The following FREM2 variants were observed in gnomAD, a reference collection of about 807,000 sequenced individuals.
FREM2 encodes the protein FRAS1 related extracellular matrix 2, also known as FRAS1-related extracellular matrix protein 2.
A neutral mutation model predicts 219.9 loss-of-function variants in FREM2; 119 were observed. The ratio of observed to expected loss-of-function variants is 0.54; its 90% CI spans 0.47 to 0.63. The LOEUF is 0.63. Among genes scored for constraint, FREM2 ranks in the 30% least tolerant of loss-of-function variants. The pLI is 0.00. For synonymous variants in FREM2, 1,562 were observed against 1,522.8 expected (o/e 1.03, Z -0.60); for missense variants, 4,030 against 3,993.6 (o/e 1.01, Z -0.25).
Position 38,880,952 on chromosome 13 carries a change from T to C in FREM2, c.*165T>C. On this transcript the variant is annotated 3_prime_UTR_variant, in exon 24 of 24. Transcript: ENST00000280481. ...GTTTGATTTGAATTCTCCATACTCT[T>C]TTTTGCATCAAAGGACAAATTAAGG... 4 of 880,396 alleles carry C rather than the reference T, an allele frequency of 4.5e-6. No individual in the cohort carries two copies. The highest frequency in any genetic ancestry group is 7.1e-6 in the Non-Finnish European group (4 of 560,792). The allele number at this position is 880,396 out of a possible 1,614,324, so 54.5% of individuals were successfully genotyped here.
In FREM2 at chr13:38,691,123, G is replaced by A; in HGVS notation, c.3779G>A (p.Ser1260Asn). The change falls in exon 1 of 24, where the codon AGT (serine) becomes AAT (asparagine). Residue 1260 changes from serine to asparagine, a missense_variant. Ser to Asn is a conservative substitution (Grantham distance 46, BLOSUM62 1). Coordinates refer to ENST00000280481, the MANE Select transcript of FREM2 (RefSeq NM_207361.6). ...TTCACCTTGGATCAGATCATAGAGA[G>A]TTCCAGCATTATTTATGAGCATGAT... ...ESFTLDQIIE[S>N]SSIIYEHDDS... The A allele has an allele frequency of 1.2e-6, 2 of 1,614,052 alleles. No homozygotes were observed. The highest frequency in any genetic ancestry group is 2.2e-5 in the East Asian group (1 of 44,868).
intron 16 of FREM2, among the ~76,000 whole-genome samples, chr13:38,869,457 C>G (rs1014733193): frequency 9.2e-5 from 14 of 152,294 alleles, no homozygotes; most frequent in Non-Finnish European, 1.8e-4. Flanking sequence ...AACACCTACT[C>G]TGTGCCAGGG....
chr13:38,720,040 A>C lies in FREM2; in HGVS notation c.5263+22253A>C, dbSNP rs571039127. On this transcript the variant is annotated intron_variant, in intron 2 of 23. Transcript: ENST00000280481. Reference sequence around the variant, plus strand: ...CAACAACATATTAAGTACACAAGGAATATTTTAGGGAAAGGAAATGAGGGA... The same window carrying C: ...CAACAACATATTAAGTACACAAGGACTATTTTAGGGAAAGGAAATGAGGGA... Among the ~76,000 whole-genome samples, 3 of 152,290 alleles carry C rather than the reference A, an allele frequency of 2.0e-5. No individual in the cohort carries two copies. The East Asian group carries it at 5.8e-4, about 30-fold the overall frequency.
intron 6 of FREM2, among the ~76,000 whole-genome samples, chr13:38,815,615 G>A (rs572852772): frequency 2.0e-5 from 3 of 152,314 alleles, no homozygotes; most frequent in Non-Finnish European, 4.4e-5. Flanking sequence ...ACCCGAGGCT[G>A]GGTAATTTAT....
chr13:38,878,832 A>G lies in FREM2; in HGVS notation c.8861A>G (p.Asp2954Gly). 1 of 1,614,202 alleles carries G rather than the reference A, an allele frequency of 6.2e-7. No homozygotes were observed. Among genetic ancestry groups the G allele is most frequent in the Non-Finnish European group, 8.5e-7 (1 of 1,180,008 alleles). Residue 2954 changes from aspartate (D) to glycine (G), a missense_variant and splice_region_variant, in exon 23 of 24, where the codon GAC (aspartate) becomes GGC (glycine). Asp to Gly is a moderately conservative substitution (Grantham distance 94). Transcript: ENST00000280481. ...PSLLYRFKIV[D>G]KAQPETQATS... is the part of the protein sequence containing the mutation. ...CACCACTTTCCTTACTGCTTAAAGG[A>G]CAAAGCTCAGCCAGAGACACAAGCG...
At chr13:38,822,347 CTT>C (rs951562767) in intron 6 of FREM2, among the ~76,000 whole-genome samples, 2,036 of 100,020 alleles carry the variant, frequency 0.02, 34 homozygotes, top group African/African-American at 0.059. Flanking sequence ...TTCTTTCTTT[CTT>C]TTTTTTTTTT....
chr13:38,874,396 A>T (rs1878271345), intron 17 of FREM2, 86 bp from the exon 18 acceptor site: 1 of 1,059,492 alleles, frequency 9.4e-7, no homozygotes. Context: ...AGACAAGTCA[A>T]ACCTGAATTA....
In FREM2 at chr13:38,691,002, G is replaced by A. The variant is rs114315576; in HGVS notation, c.3658G>A (p.Val1220Ile). ...TPILNAADADVPLDDLTFTIT... is the reference protein window; with the variant it reads ...TPILNAADADIPLDDLTFTIT... ...CATTCTCAATGCTGCTGATGCTGAT[G>A]TTCCCCTGGATGATTTAACTTTCAC... The change falls in exon 1 of 24, where the codon GTT (valine) becomes ATT (isoleucine). Residue 1220 changes from valine to isoleucine, a missense_variant. Around this residue, in one of 2 missense-constraint regions of FREM2, gnomAD observed 3,102 missense variants for 2,950.7 expected, o/e 1.05. Transcript: ENST00000280481. 43 of 1,614,134 alleles carry A rather than the reference G, an allele frequency of 2.7e-5. No individual in the cohort carries two copies. The highest frequency in any genetic ancestry group is 3.4e-5 in the Non-Finnish European group (40 of 1,179,998).
In FREM2 at chr13:38,687,150, G is replaced by A. The variant is rs562430219; in HGVS notation, c.-195G>A. ...AGCTGGACGGCCTGGGAAGGCTTCG[G>A]CTCCTCGGCTGCGGCTCCAGCCCGG... is the stretch of plus-strand genomic sequence containing the variant. On this transcript the variant is annotated 5_prime_UTR_variant, in exon 1 of 24. Transcript: ENST00000280481. 10 of 700,998 alleles carry A rather than the reference G, an allele frequency of 1.4e-5. No individual in the cohort carries two copies. Among genetic ancestry groups the A allele is most frequent in the Middle Eastern group, 4.0e-4 (1 of 2,504 alleles). The allele number at this position is 700,998 out of a possible 1,614,324, so 43.4% of individuals were successfully genotyped here. A position where few individuals can be genotyped will look rare whatever the true frequency, so the allele number is the denominator to read the frequency against.
chr13:38,726,577 A>G (rs943510485), intron 2 of FREM2, among the ~76,000 whole-genome samples: 3 of 152,164 alleles, frequency 2.0e-5, no homozygotes, highest in East Asian at 3.9e-4. Context: ...GAGAGAGTGT[A>G]GGGGTGGGGG....
At chr13:38,739,641 T>C (rs1319021054) in intron 2 of FREM2, among the ~76,000 whole-genome samples, 1 of 152,152 alleles carries the variant, frequency 6.6e-6, no homozygotes, top group African/African-American at 2.4e-5. Flanking sequence ...CAACTCTTCC[T>C]TTTTCACTGG....
At chr13:38,803,315 G>A (rs1305032654) in intron 6 of FREM2, among the ~76,000 whole-genome samples, 1 of 152,164 alleles carries the variant, frequency 6.6e-6, no homozygotes, top group Non-Finnish European at 1.5e-5. Flanking sequence ...TGAGGCCAAA[G>A]CTTTTCTCTG....
chr13:38,744,753 A>G (rs1872397888), intron 2 of FREM2, among the ~76,000 whole-genome samples: 3 of 152,198 alleles, frequency 2.0e-5, no homozygotes, highest in Admixed American at 2.0e-4. Flanking sequence ...TGGCCTCCCA[A>G]AGTGCTGGGA....
chr13:38,692,499 A>T lies in FREM2; in HGVS notation c.5155A>T (p.Ile1719Phe), dbSNP rs745950981. The change falls in exon 1 of 24, where the codon ATC becomes TTC. Residue 1719 changes from isoleucine (I) to phenylalanine (F), a missense_variant. Physicochemically the swap from Ile to Phe is conservative, Grantham distance 21. Transcript: ENST00000280481. ...CAACCTGGACAAAGGCAACCACAGCATCACTCAGTTCACACAAGGTATGTT... is the reference window on the plus strand; with the variant it reads ...CAACCTGGACAAAGGCAACCACAGCTTCACTCAGTTCACACAAGGTATGTT... Reference protein sequence around the residue: ...LLNLDKGNHSITQFTQADIDD... With the variant: ...LLNLDKGNHSFTQFTQADIDD... The T allele has an allele frequency of 6.2e-7, 1 of 1,611,774 alleles. No homozygotes were observed. Among genetic ancestry groups the T allele is most frequent in the Non-Finnish European group, 8.5e-7 (1 of 1,180,018 alleles).
chr13:38,861,512 C>G lies in FREM2; in HGVS notation c.7601C>G (p.Ala2534Gly). Residue 2534 changes from alanine (A) to glycine (G), a missense_variant, in exon 15 of 24, where the codon GCA (alanine) becomes GGA (glycine). Physicochemically the swap from Ala to Gly is moderately conservative, Grantham distance 60. This residue lies in a region of FREM2 where 928 missense variants were observed against 1,042.9 expected (regional missense o/e 0.89). Transcript: ENST00000280481. ...TTGCGCTACACAGGCCCTGAGGATG[C>G]AGACTACACAAACCTTATCAAGCTC... is the stretch of plus-strand genomic sequence containing the variant. The part of the protein sequence containing the change: ...AKLRYTGPED[A>G]DYTNLIKLTV... 1.2e-6 allele frequency: 2 copies of G among 1,612,640 alleles called. No individual in the cohort carries two copies. Among genetic ancestry groups the G allele is most frequent in the African/African-American group, 2.7e-5 (2 of 74,842 alleles).
In FREM2 at chr13:38,881,654, C is replaced by CT. The variant is rs1316267147; in HGVS notation, c.*868dup. 6.6e-6 allele frequency: 1 copy of CT among 152,450 alleles called. No individual in the cohort carries two copies. Among genetic ancestry groups the CT allele is most frequent in the Non-Finnish European group, 1.5e-5 (1 of 68,010 alleles). The allele number at this position is 152,450 out of a possible 1,614,324, so 9.4% of individuals were successfully genotyped here. A position where few individuals can be genotyped will look rare whatever the true frequency, so the allele number is the denominator to read the frequency against. ...TAGAGTCACTACAAGACAATGTTCT[C>CT]TAAGAACTGAGCCTAGATGTTTGCA... On this transcript the variant is annotated 3_prime_UTR_variant, in exon 24 of 24. Transcript: ENST00000280481.
Position 38,846,590 on chromosome 13 carries a change from G to A in FREM2, c.6037G>A (p.Gly2013Ser), listed in dbSNP as rs149018449. 1.7e-5 allele frequency: 27 copies of A among 1,613,528 alleles called. No individual in the cohort carries two copies. The highest frequency in any genetic ancestry group is 4.0e-5 in the African/African-American group (3 of 74,988). ...CTTAACAGAACCCATCTTTTACTTCGGTGATGTGGAATACTCTGTGGATGA... is the reference window on the plus strand; with the variant it reads ...CTTAACAGAACCCATCTTTTACTTCAGTGATGTGGAATACTCTGTGGATGA... Reference protein sequence around the residue: ...DKDDEPIFYFGDVEYSVDESA... With the variant: ...DKDDEPIFYFSDVEYSVDESA... The change falls in exon 7 of 24, where the codon GGT (glycine) becomes AGT (serine). Residue 2013 changes from glycine (G) to serine (S), a missense_variant. Physicochemically the swap from Gly to Ser is moderately conservative, Grantham distance 56 (BLOSUM62 0). Transcript: ENST00000280481.
chr13:38,837,785 G>GTTTTTTTTTTTTT (rs1333688816), intron 6 of FREM2, among the ~76,000 whole-genome samples: 2 of 137,994 alleles, frequency 1.4e-5, no homozygotes, highest in African/African-American at 5.2e-5. Flanking sequence ...GTTTTGTTTT[G>GTTTTTTTTTTTTT]TTTTGTTTTT....
chr13:38,850,995 A>T lies in FREM2; in HGVS notation c.6629A>T (p.Glu2210Val). The change falls in exon 10 of 24, where the codon GAG becomes GTG. Residue 2210 changes from glutamate (E) to valine (V), a missense_variant. This residue lies in a region of FREM2 where 3,102 missense variants were observed against 2,950.7 expected (regional missense o/e 1.05). Transcript: ENST00000280481. ...GAGCTGATGGACGATGTGCTCTATG[A>T]GGAGGTAGAGGAGCTCCGCCTGGTA... ...ILELMDDVLY[E>V]EVEELRLVLG... 6.8e-6 allele frequency: 11 copies of T among 1,613,708 alleles called. No individual in the cohort carries two copies. The highest frequency in any genetic ancestry group is 9.3e-6 in the Non-Finnish European group (11 of 1,179,994).
Sources: allele counts gnomAD v4.1 joint callset (sites outside exome capture counted in the v4.1 genomes callset), GRCh38; gene constraint gnomAD v4.1.1; regional missense constraint gnomAD v4.1.1; transcripts MANE v1.5; gene names NCBI Gene and HGNC (gene_info 2026-07-23, HGNC 2026-07-21).